CUX1: variants seen among roughly 807,000 people sequenced by gnomAD.
CUX1 encodes the protein cut like homeobox 1.
CUX1 carries 31 observed loss-of-function variants against 158.8 expected under a neutral mutation model. The observed-to-expected ratio is 0.20, with a 90% CI of 0.15 to 0.26. CUX1 has a LOEUF of 0.26. Ranked by LOEUF, CUX1 falls within the 10% of genes least tolerant of loss-of-function variation. The pLI is 1.00. For synonymous variants in CUX1, 879 were observed against 862.1 expected, an observed-to-expected ratio of 1.02 and a Z score of -0.34; for missense variants, 1,589 against 2,014.6, an observed-to-expected ratio of 0.79 and a Z score of 4.04.
rs367840798 is a variant in CUX1, at chr7:101,821,375, T to G, written c.30+3706T>G. Among the ~76,000 whole-genome samples the G allele has an allele frequency of 3.8e-3, 570 of 151,498 alleles. 1 individual carries two copies. The highest frequency in any genetic ancestry group is 6.6e-3 in the Non-Finnish European group (445 of 67,818). On this transcript the variant is annotated intron_variant, in intron 1 of 23. Coordinates refer to ENST00000292535, the MANE Select transcript of CUX1 (RefSeq NM_181552.4). ...TTTTTTTGAGACAGAGTCTCGCTCT[T>G]TCGCCCAGGCCGGAGTGCAGAGGCA...
intron 9 of CUX1, among the ~76,000 whole-genome samples, 198 bp from the exon 10 acceptor site, chr7:102,170,248 G>A (rs897132431): frequency 7.9e-5 from 12 of 152,116 alleles, no homozygotes; most frequent in African/African-American, 1.7e-4. Flanking sequence ...TGTCATAATC[G>A]CTCAATTATT....
intron 5 of CUX1, among the ~76,000 whole-genome samples, chr7:102,101,068 C>A (rs1355972077): frequency 3.3e-5 from 5 of 152,254 alleles, no homozygotes; most frequent in Middle Eastern, 3.4e-3. Context: ...TGACTCATCA[C>A]CAGAGAGAGG....
rs58793343 is a variant in CUX1, at chr7:101,821,671, C to CTTTTTTTTTTTTT, written c.30+4016_30+4028dup. ...CTTTTCTTTTCTTTTTTTCTTTTTT[C>CTTTTTTTTTTTTT]TTTTTTTTTTTTTTTTTTTTTTTTT... On this transcript the variant is annotated intron_variant, in intron 1 of 23. Coordinates refer to ENST00000292535, the MANE Select transcript of CUX1 (RefSeq NM_181552.4). Among the ~76,000 whole-genome samples the CTTTTTTTTTTTTT allele has an allele frequency of 1.4e-3, 73 of 51,318 alleles. 10 individuals are homozygous for CTTTTTTTTTTTTT. The highest frequency in any genetic ancestry group is 2.5e-3 in the African/African-American group (31 of 12,346). 33.7% of individuals were successfully genotyped at this position (51,318 alleles called of 152,430 possible). A position where few individuals can be genotyped will look rare whatever the true frequency, so the allele number is the denominator to read the frequency against.
chr7:101,825,219 T>C (rs1428654642), intron 1 of CUX1, among the ~76,000 whole-genome samples: 1 of 152,212 alleles, frequency 6.6e-6, no homozygotes, highest in Non-Finnish European at 1.5e-5. Flanking sequence ...ACAGTAGAGA[T>C]GTTATAAGTC....
intron 1 of CUX1, among the ~76,000 whole-genome samples, chr7:101,834,051 TC>T: frequency 6.6e-6 from 1 of 152,004 alleles, no homozygotes; most frequent in Admixed American, 6.6e-5. Context: ...TCACGATTCT[TC>T]CAGGGAAGAA....
intron 3 of CUX1, among the ~76,000 whole-genome samples, chr7:102,054,027 C>T (rs868371021): frequency 3.3e-5 from 5 of 151,932 alleles, no homozygotes; most frequent in East Asian, 1.9e-4. Flanking sequence ...AGGCTGGTCC[C>T]GAACTCCTGA....
intron 1 of CUX1, among the ~76,000 whole-genome samples, chr7:101,910,724 G>A (rs1432105808): frequency 6.7e-6 from 1 of 149,898 alleles, no homozygotes; most frequent in Non-Finnish European, 1.5e-5. Context: ...CCCAGCCTGG[G>A]CGACCGAGCA....
At chr7:102,068,495 T>C (rs1825794736) in intron 3 of CUX1, among the ~76,000 whole-genome samples, 1 of 152,064 alleles carries the variant, frequency 6.6e-6, no homozygotes, top group Non-Finnish European at 1.5e-5. Context: ...CAAATTGGAA[T>C]CTTGGTGCAC....
At position 102,255,765 on chromosome 7, in the gene CUX1, G is replaced by A; in HGVS notation, c.*6723G>A. On this transcript the variant is annotated 3_prime_UTR_variant, in exon 24 of 24. Transcript: ENST00000292535. Reference sequence around the variant, plus strand: ...AAGAGACCATTCAGCAAGACACATTGAAGTGGCACGGAGCTGCTTTTGTTT... The same window carrying A: ...AAGAGACCATTCAGCAAGACACATTAAAGTGGCACGGAGCTGCTTTTGTTT... 1 of 985,400 alleles carries A rather than the reference G, an allele frequency of 1.0e-6. No homozygotes were observed. The highest frequency in any genetic ancestry group is 1.1e-4 in the East Asian group (1 of 8,812). The allele number at this position is 985,400 out of a possible 1,614,324, so 61.0% of individuals were successfully genotyped here. A position where few individuals can be genotyped will look rare whatever the true frequency, so the allele number is the denominator to read the frequency against.
chr7:101,952,211 C>G (rs1180299331), intron 2 of CUX1, among the ~76,000 whole-genome samples: 1 of 151,886 alleles, frequency 6.6e-6, no homozygotes, highest in Non-Finnish European at 1.5e-5. Flanking sequence ...AGCGAGACCC[C>G]GTCTCTACAA....
intron 2 of CUX1, among the ~76,000 whole-genome samples, chr7:102,026,789 C>T (rs1226393355): frequency 7.0e-6 from 1 of 143,652 alleles, no homozygotes; most frequent in Non-Finnish European, 1.5e-5. Flanking sequence ...CACTGCACTC[C>T]AGCCTAGGCA....
chr7:101,816,168 C>T (rs1791745010), upstream of CUX1: 15 of 772,336 alleles, frequency 1.9e-5, no homozygotes, highest in South Asian at 6.2e-4. Flanking sequence ...CCGGGGGCCC[C>T]GGGCTGGCCC....
chr7:102,096,444 T>C (rs1163890977), intron 4 of CUX1, among the ~76,000 whole-genome samples: 8 of 152,310 alleles, frequency 5.3e-5, no homozygotes, highest in African/African-American at 1.9e-4. Flanking sequence ...CTGGGTGGGG[T>C]GGCTCACGCC....
At chr7:102,138,684 G>T (rs139590277) in intron 8 of CUX1, among the ~76,000 whole-genome samples, 1 of 152,206 alleles carries the variant, frequency 6.6e-6, no homozygotes, top group East Asian at 1.9e-4. Flanking sequence ...AAGATACTCT[G>T]GACCTACAAA....
intron 2 of CUX1, among the ~76,000 whole-genome samples, chr7:101,994,539 C>G (rs868459912): frequency 1.3e-5 from 2 of 152,118 alleles, no homozygotes; most frequent in Non-Finnish European, 2.9e-5. Flanking sequence ...AGGTGGAGGC[C>G]GCAGTGAGCC....
chr7:102,108,410 A>G (rs782326623), intron 6 of CUX1, among the ~76,000 whole-genome samples: 28 of 152,112 alleles, frequency 1.8e-4, no homozygotes, highest in Non-Finnish European at 3.4e-4. Flanking sequence ...CAGTCTCACA[A>G]TCTCAGCTCA....
intron 3 of CUX1, among the ~76,000 whole-genome samples, chr7:102,030,689 G>GTGTTTTTTTTTTTTTTTTTTTTTTTTTT (rs1554459461): frequency 5.5e-4 from 45 of 82,524 alleles, no homozygotes; most frequent in African/African-American, 1.6e-3. Context: ...ATTTTAAAAA[G>GTGTTTTTTTTTTTTTTTTTTTTTTTTTT]TGTTTTTTTT....
intron 1 of CUX1, among the ~76,000 whole-genome samples, chr7:101,820,906 T>A (rs951665565): frequency 6.6e-6 from 1 of 152,164 alleles, no homozygotes; most frequent in African/African-American, 2.4e-5. Flanking sequence ...TTATAGCCAT[T>A]CGTTTTGTCG....
chr7:102,024,489 G>A (rs974316789), intron 2 of CUX1, among the ~76,000 whole-genome samples: 16 of 152,132 alleles, frequency 1.1e-4, no homozygotes, highest in African/African-American at 3.6e-4. Context: ...ACCACGCCCA[G>A]CTTATTTTTA....
Sources: allele counts gnomAD v4.1 joint callset (sites outside exome capture counted in the v4.1 genomes callset), GRCh38; gene constraint gnomAD v4.1.1; transcripts MANE v1.5; gene names NCBI Gene and HGNC (gene_info 2026-07-23, HGNC 2026-07-21).